Variants in SLC16A5 observed in about 807,000 individuals in gnomAD.
The protein encoded by SLC16A5 is solute carrier family 16 member 5.
In SLC16A5, 29 loss-of-function variants were observed where a neutral mutation model predicts 33.2. The observed-to-expected ratio is 0.87, with a 90% CI of 0.65 to 1.19. The LOEUF is 1.19. Ranked by LOEUF, SLC16A5 falls within the 50% of genes most tolerant of loss-of-function variation. The probability of loss-of-function intolerance (pLI) is 0.00; values close to 1 mark genes in which losing one functional copy is unlikely to be tolerated. For missense variants in SLC16A5, 606 were observed against 678.2 expected, an observed-to-expected ratio of 0.89 and a Z score of 1.18; for synonymous variants, 248 against 284.1, an observed-to-expected ratio of 0.87 and a Z score of 1.28.
chr17:75,097,462 CTGAT>C (rs2073734896), intron 3 of SLC16A5, among the ~76,000 whole-genome samples: 2 of 140,480 alleles, frequency 1.4e-5, no homozygotes, highest in Non-Finnish European at 3.1e-5. Context: ...CCTACCCTGC[CTGAT>C]TGTCTGCAGA....
chr17:75,099,888 C>G, intron 4 of SLC16A5, 119 bp from the exon 5 acceptor site: 1 of 949,026 alleles, frequency 1.1e-6, no homozygotes, highest in Non-Finnish European at 1.5e-6. Context: ...GGACTTGGAG[C>G]TGGGTATGGA....
chr17:75,088,611 C>T (rs910856725), intron 1 of SLC16A5, among the ~76,000 whole-genome samples: 21 of 152,108 alleles, frequency 1.4e-4, no homozygotes, highest in African/African-American at 5.1e-4. Context: ...CCTTCTGCTG[C>T]CTGCCTGGGT....
chr17:75,106,427 G>A (rs1225021042), downstream of SLC16A5, among the ~76,000 whole-genome samples: 2 of 151,954 alleles, frequency 1.3e-5, no homozygotes, highest in African/African-American at 2.4e-5. Context: ...TGTGCATCCC[G>A]TAATGAGCCC....
chr17:75,098,184 G>A lies in SLC16A5; in HGVS notation c.343+3G>A. On this transcript the variant is annotated splice_donor_region_variant and intron_variant, in intron 4 of 6. Coordinates refer to ENST00000329783, the MANE Select transcript of SLC16A5 (RefSeq NM_004695.4). ...CTTCACAGCAGGATTCATCACAGGT[G>A]ACTATCACTTCATCTCCAGAATTTA... The A allele has an allele frequency of 6.2e-7, 1 of 1,612,836 alleles. No individual in the cohort carries two copies. The highest frequency in any genetic ancestry group is 8.5e-7 in the Non-Finnish European group (1 of 1,179,544).
At chr17:75,103,559 A>G (rs975766680) in intron 5 of SLC16A5, among the ~76,000 whole-genome samples, 20 of 151,252 alleles carry the variant, frequency 1.3e-4, no homozygotes, top group Admixed American at 1.3e-3. Context: ...TGAACTCCTG[A>G]CCTTGTGATC....
chr17:75,106,248 G>A, downstream of SLC16A5: 2 of 378,362 alleles, frequency 5.3e-6, no homozygotes, highest in Non-Finnish European at 9.6e-6. Flanking sequence ...TTTCCTTCTG[G>A]CTCCCCACCC....
At chr17:75,092,977 T>G (rs2073662523) in intron 2 of SLC16A5, among the ~76,000 whole-genome samples, 1 of 151,900 alleles carries the variant, frequency 6.6e-6, no homozygotes, top group African/African-American at 2.4e-5. Flanking sequence ...TGGGGGTGGA[T>G]GAGGCCCATG....
intron 6 of SLC16A5, 40 bp from the exon 7 acceptor site, chr17:75,105,840 G>A (rs753226069): frequency 1.6e-5 from 24 of 1,521,896 alleles, no homozygotes; most frequent in Middle Eastern, 3.4e-4. Context: ...ACCAGGCTCC[G>A]CAAGAAAACC....
At chr17:75,091,796 G>A (rs777249103) in intron 2 of SLC16A5, among the ~76,000 whole-genome samples, 2 of 152,212 alleles carry the variant, frequency 1.3e-5, no homozygotes, top group African/African-American at 2.4e-5. Context: ...CTGCTCCCTC[G>A]CAGTGCCTGC....
At position 75,093,462 on chromosome 17, in the gene SLC16A5, C is replaced by T. The variant is rs1341678602; in HGVS notation, c.-48-127C>T. 5 of 1,536,052 alleles carry T rather than the reference C, an allele frequency of 3.3e-6. No homozygotes were observed. In the Admixed American group the frequency reaches 5.9e-5, roughly 18 times the overall value. On this transcript the variant is annotated intron_variant, in intron 2 of 6. Transcript: ENST00000329783. ...CTCTGGCCACCTCCCAGGGGTGGTG[C>T]CCCTCTGTGACACCTGGTACTTGGG...
chr17:75,102,756 A>G (rs937395143), intron 5 of SLC16A5, among the ~76,000 whole-genome samples: 6 of 151,224 alleles, frequency 4.0e-5, no homozygotes, highest in African/African-American at 1.5e-4. Flanking sequence ...TTTTTGAGGC[A>G]GAGTCTCGCT....
chr17:75,093,802 C>T lies in SLC16A5; in HGVS notation c.166C>T (p.Pro56Ser). 6.2e-7 allele frequency: 1 copy of T among 1,614,170 alleles called. No homozygotes were observed. The highest frequency in any genetic ancestry group is 8.5e-7 in the Non-Finnish European group (1 of 1,180,008). The stretch of plus-strand genomic sequence containing the variant: ...CAGCAACAGCGAGACCTCTTGGTTC[C>T]CCTCCATCCTCACGGCTGTGCTCCA... Reference protein sequence around the residue: ...QASNSETSWFPSILTAVLHMA... With the variant: ...QASNSETSWFSSILTAVLHMA... Residue 56 changes from proline (P) to serine (S), a missense_variant, in exon 3 of 7, where the codon CCC becomes TCC. Coordinates refer to ENST00000329783, the MANE Select transcript of SLC16A5 (RefSeq NM_004695.4).
At chr17:75,103,465 G>A (rs1337617678) in intron 5 of SLC16A5, among the ~76,000 whole-genome samples, 1 of 151,406 alleles carries the variant, frequency 6.6e-6, no homozygotes, top group Non-Finnish European at 1.5e-5. Context: ...AAGTAGCTGG[G>A]ATTACAGGTA....
chr17:75,104,276 A>C, intron 6 of SLC16A5, 96 bp downstream of exon 6: 6 of 1,534,016 alleles, frequency 3.9e-6, no homozygotes, highest in Non-Finnish European at 5.3e-6. Context: ...CCAGCCCAGG[A>C]GGGGGACCTC....
chr17:75,089,740 C>T (rs1310215718), intron 2 of SLC16A5: 4 of 124,768 alleles, frequency 3.2e-5, no homozygotes, highest in Admixed American at 2.0e-4. Context: ...GGAGACAGAG[C>T]GAAACTTCAT....
At chr17:75,096,593 C>T (rs2073721547) in intron 3 of SLC16A5, among the ~76,000 whole-genome samples, 1 of 150,522 alleles carries the variant, frequency 6.6e-6, no homozygotes. Flanking sequence ...TGTAGTGGCA[C>T]AGTCTCGGCT....
downstream of SLC16A5, among the ~76,000 whole-genome samples, chr17:75,109,021 T>C (rs1303693932): frequency 6.6e-6 from 1 of 152,174 alleles, no homozygotes; most frequent in Non-Finnish European, 1.5e-5. This position sits in a 1 kb window ranked among gnomAD's most constrained non-coding sequence, Gnocchi z 5.0. Flanking sequence ...CTCAGGACAC[T>C]CACAGCCTAA....
rs71361652 is a variant in SLC16A5, at chr17:75,096,841, CT to C, written c.200-1174del. Among the ~76,000 whole-genome samples the C allele has an allele frequency of 7.8e-3, 508 of 65,310 alleles. 4 individuals are homozygous for C. Among genetic ancestry groups the C allele is most frequent in the African/African-American group, 0.031 (399 of 12,986 alleles). 42.8% of individuals were successfully genotyped at this position (65,310 alleles called of 152,430 possible). ...GCCACCACGCATGGCCACTCCATCA[CT>C]TTTTTTTTTTTTTTTTTTTTTTGAG... On this transcript the variant is annotated intron_variant, in intron 3 of 6. Transcript: ENST00000329783.
intron 3 of SLC16A5, among the ~76,000 whole-genome samples, chr17:75,094,966 G>A (rs1472996465): frequency 6.6e-6 from 1 of 152,206 alleles, no homozygotes; most frequent in African/African-American, 2.4e-5. Context: ...CTCAGCTCCT[G>A]GGAGCTCTCC....
Sources: gnomAD v4.1 joint callset for allele counts (sites outside exome capture counted in the v4.1 genomes callset) on GRCh38, gnomAD v4.1.1 for gene constraint, Gnocchi (gnomAD v3.1) non-coding constraint, MANE v1.5 for transcripts, NCBI Gene and HGNC (gene_info 2026-07-23, HGNC 2026-07-21) for gene names.